NCOA1: variants seen among roughly 807,000 people sequenced by gnomAD.
The protein encoded by NCOA1 is nuclear receptor coactivator 1.
Under a neutral mutation model 150.9 loss-of-function variants are expected in NCOA1, and 35 were observed. The ratio of observed to expected loss-of-function variants is 0.23; its 90% CI spans 0.18 to 0.31. The LOEUF is 0.31. Ranked by LOEUF, NCOA1 falls within the 10% of genes least tolerant of loss-of-function variation. NCOA1 has a pLI of 1.00. For missense variants in NCOA1, 1,491 were observed against 1,749.3 expected (o/e 0.85, Z 2.63); for synonymous variants, 590 against 630.0 (o/e 0.94, Z 0.95).
chr2:24,750,671 G>T (rs1664174215), intron 19 of NCOA1, among the ~76,000 whole-genome samples: 1 of 152,170 alleles, frequency 6.6e-6, no homozygotes, highest in African/African-American at 2.4e-5. Flanking sequence ...CCTGGGACTA[G>T]GGATGGGAGC....
intron 3 of NCOA1, among the ~76,000 whole-genome samples, chr2:24,636,198 A>G: frequency 6.6e-6 from 1 of 152,194 alleles, no homozygotes; most frequent in East Asian, 1.9e-4. Context: ...GTGGACTAAC[A>G]TCTTCACACT....
intron 3 of NCOA1, among the ~76,000 whole-genome samples, chr2:24,620,211 C>A (rs1403757627): frequency 1.3e-5 from 2 of 152,222 alleles, no homozygotes; most frequent in East Asian, 1.9e-4. Flanking sequence ...AATAAACTGG[C>A]AATAATTTCA....
chr2:24,560,595 C>T (rs1012017872), intron 1 of NCOA1, among the ~76,000 whole-genome samples: 9 of 152,170 alleles, frequency 5.9e-5, no homozygotes, highest in Admixed American at 3.3e-4. Flanking sequence ...TTGATCACTT[C>T]ATCTTTTAGG....
At chr2:24,735,073 C>CT (rs1253693579) in intron 17 of NCOA1, among the ~76,000 whole-genome samples, 11 of 152,246 alleles carry the variant, frequency 7.2e-5, no homozygotes, top group East Asian at 5.8e-4. Context: ...AAAATAAACT[C>CT]TAAGTGTTTT....
chr2:24,678,330 A>C (rs1173048694), intron 7 of NCOA1, among the ~76,000 whole-genome samples: 3 of 152,120 alleles, frequency 2.0e-5, no homozygotes, highest in Non-Finnish European at 4.4e-5. Context: ...GCTATTGTGA[A>C]TAGTGCTGTG....
intron 3 of NCOA1, among the ~76,000 whole-genome samples, chr2:24,629,262 T>C (rs529473841): frequency 6.6e-6 from 1 of 152,300 alleles, no homozygotes; most frequent in South Asian, 2.1e-4. Flanking sequence ...ATTAGTAATA[T>C]TGAAATATAC....
chr2:24,501,521 TC>T (rs1403765491), intron 1 of NCOA1, among the ~76,000 whole-genome samples: 1 of 152,190 alleles, frequency 6.6e-6, no homozygotes, highest in Non-Finnish European at 1.5e-5. Context: ...GCTATAATAT[TC>T]TTTTTAATTT....
At position 24,588,898 on chromosome 2, in the gene NCOA1, A is replaced by G. The variant is rs182597582; in HGVS notation, c.-175+4338A>G. Among the ~76,000 whole-genome samples, 222 of 152,330 alleles carry G rather than the reference A, an allele frequency of 1.5e-3. 4 individuals are homozygous for G. The highest frequency in any genetic ancestry group is 8.3e-4 in the South Asian group (4 of 4,828). ...GTATACTCAGGTGTGCAAAGAAAAT[A>G]TAGCTTCTTTATTTTTCTTATCTCT... On this transcript the variant is annotated intron_variant, in intron 3 of 22. Coordinates refer to ENST00000348332, the MANE Select transcript of NCOA1 (RefSeq NM_003743.5).
Position 24,739,543 on chromosome 2 carries a change from G to A in NCOA1, c.3303+10G>A. The A allele has an allele frequency of 3.1e-6, 5 of 1,594,244 alleles. No individual in the cohort carries two copies. Among genetic ancestry groups the A allele is most frequent in the Non-Finnish European group, 4.3e-6 (5 of 1,162,030 alleles). On this transcript the variant is annotated intron_variant, in intron 18 of 22. Coordinates refer to ENST00000348332, the MANE Select transcript of NCOA1 (RefSeq NM_003743.5). ...GCAAATTACACCTCAGGTAATGTGA[G>A]AAAACCAGACGTCATTAGTACTTCT...
At chr2:24,630,305 G>A (rs935909540) in intron 3 of NCOA1, among the ~76,000 whole-genome samples, 2 of 152,210 alleles carry the variant, frequency 1.3e-5, no homozygotes, top group Non-Finnish European at 2.9e-5. Flanking sequence ...ATGCTATACT[G>A]TCTTGGTTAT....
chr2:24,519,291 GA>G (rs1432380043), intron 1 of NCOA1, among the ~76,000 whole-genome samples: 2 of 152,172 alleles, frequency 1.3e-5, no homozygotes, highest in Non-Finnish European at 2.9e-5. Flanking sequence ...TAGGCTAATT[GA>G]AAAAAGCCAG....
chr2:24,726,680 A>G lies in NCOA1; in HGVS notation c.2691A>G (p.Thr897=). The change falls in exon 15 of 23, where the codon ACA becomes ACG. Residue 897 remains threonine, a synonymous_variant. Transcript: ENST00000348332. ...TTCCATGGACAAATAATACAGTGACAGCTATAAATCAGAGTAAATCAGAAG... is the reference window on the plus strand; with the variant it reads ...TTCCATGGACAAATAATACAGTGACGGCTATAAATCAGAGTAAATCAGAAG... The part of the protein sequence containing the change: ...DQIPWTNNTV[T]AINQSKSEDQ... 4 of 1,611,076 alleles carry G rather than the reference A, an allele frequency of 2.5e-6. No homozygotes were observed. The highest frequency in any genetic ancestry group is 3.4e-6 in the Non-Finnish European group (4 of 1,178,442).
intron 3 of NCOA1, among the ~76,000 whole-genome samples, chr2:24,597,433 A>G (rs966185491): frequency 6.6e-6 from 1 of 152,098 alleles, no homozygotes; most frequent in African/African-American, 2.4e-5. Context: ...AAACTGGAGA[A>G]TACTGTATTG....
At chr2:24,750,579 G>C (rs1027133535) in intron 19 of NCOA1, among the ~76,000 whole-genome samples, 1 of 152,194 alleles carries the variant, frequency 6.6e-6, no homozygotes, top group Non-Finnish European at 1.5e-5. Context: ...GCCAGACACA[G>C]AAGACCATGT....
At chr2:24,631,501 T>A (rs189811930) in intron 3 of NCOA1, among the ~76,000 whole-genome samples, 1 of 152,352 alleles carries the variant, frequency 6.6e-6, no homozygotes, top group East Asian at 1.9e-4. Flanking sequence ...TGAGAGAATT[T>A]ACTGTCCTTT....
intron 11 of NCOA1, among the ~76,000 whole-genome samples, chr2:24,703,622 T>A (rs1162640754): frequency 1.3e-5 from 2 of 152,202 alleles, no homozygotes; most frequent in African/African-American, 4.8e-5. Flanking sequence ...CAAATATAAG[T>A]CTTATCCTTT....
chr2:24,703,614 A>AAT (rs1673270763), intron 11 of NCOA1, among the ~76,000 whole-genome samples: 1 of 152,194 alleles, frequency 6.6e-6, no homozygotes, highest in Non-Finnish European at 1.5e-5. Context: ...TGGTTGGTCA[A>AAT]ATATAAGTCT....
intron 2 of NCOA1, among the ~76,000 whole-genome samples, chr2:24,571,655 T>G (rs1666748866): frequency 6.6e-6 from 1 of 152,200 alleles, no homozygotes; most frequent in African/African-American, 2.4e-5. Context: ...TTGTTTCTCT[T>G]AGTGCGCTGG....
At chr2:24,529,973 G>A (rs1202116108) in intron 1 of NCOA1, among the ~76,000 whole-genome samples, 1 of 152,068 alleles carries the variant, frequency 6.6e-6, no homozygotes, top group Non-Finnish European at 1.5e-5. Context: ...TAAATTTACA[G>A]TACAACATAC....
Sources: allele counts gnomAD v4.1 joint callset (sites outside exome capture counted in the v4.1 genomes callset), GRCh38; gene constraint gnomAD v4.1.1; transcripts MANE v1.5; gene names NCBI Gene and HGNC (gene_info 2026-07-23, HGNC 2026-07-21).